TAS2R1: variants seen among roughly 807,000 people sequenced by gnomAD.
TAS2R1 encodes taste 2 receptor member 1.
For synonymous variants in TAS2R1, 141 were observed against 134.2 expected, an observed-to-expected ratio of 1.05 and a Z score of -0.35; for missense variants, 370 against 353.4, an observed-to-expected ratio of 1.05 and a Z score of -0.38.
intron 1 of TAS2R1, among the ~76,000 whole-genome samples, chr5:9,680,986 C>G (rs1220360776): frequency 6.6e-6 from 1 of 152,150 alleles, no homozygotes; most frequent in Non-Finnish European, 1.5e-5. Context: ...CACTAGAACC[C>G]AGGAGGCGGG....
At chr5:9,856,525 C>T in the TAS2R1 span, among the ~76,000 whole-genome samples, 1 of 152,114 alleles carries the variant, frequency 6.6e-6, no homozygotes, top group Non-Finnish European at 1.5e-5. Flanking sequence ...AGTGTTCCTA[C>T]CAAATTATAG....
At chr5:9,734,848 A>G in the TAS2R1 span, among the ~76,000 whole-genome samples, 1 of 151,462 alleles carries the variant, frequency 6.6e-6, no homozygotes, top group East Asian at 1.9e-4. Flanking sequence ...TAAATTATAT[A>G]TTTATATTCC....
chr5:9,862,906 C>A, the TAS2R1 span: 1 of 152,222 alleles, frequency 6.6e-6, no homozygotes, highest in South Asian at 2.1e-4. Flanking sequence ...TGAGCCACTG[C>A]GCCCAGCCTT....
chr5:9,792,333 G>T, the TAS2R1 span, among the ~76,000 whole-genome samples: 1 of 152,164 alleles, frequency 6.6e-6, no homozygotes, highest in East Asian at 1.9e-4. Context: ...CTTTTAGGTT[G>T]TCATGGTCAT....
the TAS2R1 span, among the ~76,000 whole-genome samples, chr5:9,775,924 G>A: frequency 6.6e-6 from 1 of 152,216 alleles, no homozygotes; most frequent in South Asian, 2.1e-4. Context: ...GGGGTAGGGA[G>A]GGGTGGCACA....
chr5:9,813,518 T>C, the TAS2R1 span, among the ~76,000 whole-genome samples: 87 of 152,264 alleles, frequency 5.7e-4, no homozygotes, highest in African/African-American at 2.0e-3. Context: ...TGTGTTGAGT[T>C]TGGCAGGGCC....
intron 2 of TAS2R1, among the ~76,000 whole-genome samples, chr5:9,656,988 T>C (rs1027247216): frequency 5.3e-5 from 8 of 152,130 alleles, no homozygotes; most frequent in Non-Finnish European, 1.0e-4. Flanking sequence ...TGATATATAA[T>C]ATAGACTTGC....
At chr5:9,665,352 C>T (rs537245111) in intron 1 of TAS2R1, among the ~76,000 whole-genome samples, 22 of 152,322 alleles carry the variant, frequency 1.4e-4, no homozygotes, top group African/African-American at 5.3e-4. Context: ...ATTAGTAGCC[C>T]TAATTACATC....
the TAS2R1 span, among the ~76,000 whole-genome samples, chr5:9,787,156 G>A: frequency 6.6e-6 from 1 of 152,280 alleles, no homozygotes; most frequent in East Asian, 1.9e-4. Flanking sequence ...ATCATAGACA[G>A]TCAACAAATG....
chr5:9,894,818 T>C, the TAS2R1 span, among the ~76,000 whole-genome samples: 22 of 152,374 alleles, frequency 1.4e-4, no homozygotes, highest in African/African-American at 4.6e-4. Flanking sequence ...TTTCTTTGTG[T>C]GGTTCAGTTG....
chr5:9,793,010 G>C, the TAS2R1 span, among the ~76,000 whole-genome samples: 725 of 152,272 alleles, frequency 4.8e-3, 3 homozygotes, highest in African/African-American at 0.016. Flanking sequence ...TATAAAAGAT[G>C]CATTTTCTTA....
chr5:9,887,494 A>C, the TAS2R1 span, among the ~76,000 whole-genome samples: 1 of 152,270 alleles, frequency 6.6e-6, no homozygotes, highest in Admixed American at 6.5e-5. Flanking sequence ...TTCACACCTT[A>C]GTCCCTTCAC....
At chr5:9,796,100 C>G in the TAS2R1 span, among the ~76,000 whole-genome samples, 3 of 152,146 alleles carry the variant, frequency 2.0e-5, no homozygotes, top group Admixed American at 6.5e-5. Flanking sequence ...AAACTTCATA[C>G]AACAAAAGAG....
chr5:9,726,054 C>T, the TAS2R1 span, among the ~76,000 whole-genome samples: 5 of 148,072 alleles, frequency 3.4e-5, no homozygotes, highest in South Asian at 2.2e-4. Context: ...ATGCACCAAT[C>T]GACACCCTGT....
intron 1 of TAS2R1, among the ~76,000 whole-genome samples, chr5:9,661,824 C>T (rs41500): frequency 0.42 from 64,139 of 152,024 alleles, 15,290 homozygotes; most frequent in Non-Finnish European, 0.53. Context: ...CACATGTGCA[C>T]CAATCAGGAT....
chr5:9,794,713 C>A, the TAS2R1 span, among the ~76,000 whole-genome samples: 12 of 152,066 alleles, frequency 7.9e-5, no homozygotes, highest in African/African-American at 2.9e-4. Flanking sequence ...ATACCTCATA[C>A]GAATTCAGAA....
chr5:9,802,418 T>C, the TAS2R1 span, among the ~76,000 whole-genome samples: 67 of 152,088 alleles, frequency 4.4e-4, no homozygotes, highest in African/African-American at 1.6e-3. Context: ...AACAAAAGAA[T>C]CTGAACAAGC....
chr5:9,672,975 A>C (rs1740799575), intron 1 of TAS2R1, among the ~76,000 whole-genome samples: 1 of 152,210 alleles, frequency 6.6e-6, no homozygotes, highest in African/African-American at 2.4e-5. Context: ...ATTAAGAATA[A>C]GATCATGTCC....
upstream of TAS2R1, among the ~76,000 whole-genome samples, chr5:9,712,621 A>G (rs867378812): frequency 1.3e-5 from 2 of 152,174 alleles, no homozygotes; most frequent in Non-Finnish European, 2.9e-5. Context: ...CCAGACTACA[A>G]CACCAACTCA....
Sources: allele counts gnomAD v4.1 joint callset (sites outside exome capture counted in the v4.1 genomes callset), GRCh38; gene constraint gnomAD v4.1.1; transcripts MANE v1.5; gene names NCBI Gene and HGNC (gene_info 2026-07-23, HGNC 2026-07-21).